Variants in LRRC7 observed in about 807,000 individuals in gnomAD.
LRRC7 encodes the protein leucine-rich repeat-containing protein 7.
A neutral mutation model predicts 175.7 loss-of-function variants in LRRC7; 23 were observed. The ratio of observed to expected loss-of-function variants is 0.13; its 90% CI spans 0.09 to 0.19. The LOEUF is 0.19. LRRC7 is among the 10% of genes least tolerant of loss of function. The pLI, the probability that LRRC7 is intolerant of heterozygous loss-of-function variation, is 1.00. For synonymous variants in LRRC7, 685 were observed against 680.9 expected (o/e 1.01, Z -0.09); for missense variants, 1,354 against 1,904.7 (o/e 0.71, Z 5.38).
At position 70,089,896 on chromosome 1, in the gene LRRC7, T is replaced by A. The variant is rs1663895316; in HGVS notation, c.4545+77T>A. 4.5e-6 allele frequency: 5 copies of A among 1,106,124 alleles called. No homozygotes were observed. The Admixed American group carries it at 1.2e-4, about 26-fold the overall frequency. 68.5% of individuals were successfully genotyped at this position (1,106,124 alleles called of 1,614,324 possible). On this transcript the variant is annotated intron_variant, in intron 25 of 26. Transcript: ENST00000651989. Reference sequence around the variant, plus strand: ...TACAGTAACAAAGGTTAGAAAAAAATTCAAGTGTTTTTGTTGTGTTTTCAT... The same window carrying A: ...TACAGTAACAAAGGTTAGAAAAAAAATCAAGTGTTTTTGTTGTGTTTTCAT...
At chr1:69,628,614 C>A (rs758068005) in intron 1 of LRRC7, among the ~76,000 whole-genome samples, 2 of 152,056 alleles carry the variant, frequency 1.3e-5, no homozygotes, top group Non-Finnish European at 2.9e-5. Context: ...TTGTGGATAT[C>A]AACAAAGTGT....
chr1:69,889,775 C>T (rs998783526), intron 7 of LRRC7, among the ~76,000 whole-genome samples: 3 of 152,138 alleles, frequency 2.0e-5, no homozygotes, highest in African/African-American at 7.2e-5. Context: ...CCACTCACTC[C>T]AGCCTGGAAG....
intron 11 of LRRC7, among the ~76,000 whole-genome samples, chr1:69,997,833 G>A (rs576878921): frequency 2.6e-5 from 4 of 152,214 alleles, no homozygotes; most frequent in Non-Finnish European, 4.4e-5. Context: ...TTGCATCAAT[G>A]TTCATCAAGG....
chr1:69,861,300 A>G (rs1684332058), intron 7 of LRRC7, among the ~76,000 whole-genome samples: 1 of 152,182 alleles, frequency 6.6e-6, no homozygotes, highest in Non-Finnish European at 1.5e-5. Flanking sequence ...TAATGTTCAC[A>G]GATAATGTTC....
At chr1:69,763,110 T>G (rs377112295) in intron 3 of LRRC7, among the ~76,000 whole-genome samples, 43 of 152,078 alleles carry the variant, frequency 2.8e-4, no homozygotes, top group African/African-American at 9.9e-4. Flanking sequence ...AAAGGAATAA[T>G]GCATCAGAGT....
At chr1:69,702,736 A>G (rs1663522659) in intron 2 of LRRC7, among the ~76,000 whole-genome samples, 1 of 152,116 alleles carries the variant, frequency 6.6e-6, no homozygotes, top group Admixed American at 6.6e-5. Flanking sequence ...TGATGGAAAA[A>G]TGATTTTTGA....
intron 8 of LRRC7, among the ~76,000 whole-genome samples, chr1:69,941,946 C>T (rs546812692): frequency 6.6e-6 from 1 of 152,150 alleles, no homozygotes; most frequent in Non-Finnish European, 1.5e-5. Context: ...CATTGATATG[C>T]CTTGCAGAAT....
At chr1:69,652,155 A>T (rs1338621271) in intron 1 of LRRC7, among the ~76,000 whole-genome samples, 7 of 152,172 alleles carry the variant, frequency 4.6e-5, no homozygotes, top group Admixed American at 4.6e-4. Context: ...ACTGTTCAGA[A>T]CAATTAGGCA....
chr1:69,823,830 C>G (rs1363714937), intron 4 of LRRC7, among the ~76,000 whole-genome samples: 1 of 152,054 alleles, frequency 6.6e-6, no homozygotes, highest in Non-Finnish European at 1.5e-5. Flanking sequence ...CACTACAACT[C>G]TATGATAAAA....
At chr1:69,790,199 G>A (rs1173258002) in intron 3 of LRRC7, among the ~76,000 whole-genome samples, 1 of 151,994 alleles carries the variant, frequency 6.6e-6, no homozygotes, top group African/African-American at 2.4e-5. Context: ...AAACTGATGA[G>A]TTCAAAGATA....
chr1:69,829,414 C>A (rs1680287780), intron 5 of LRRC7, among the ~76,000 whole-genome samples: 1 of 151,786 alleles, frequency 6.6e-6, no homozygotes, highest in African/African-American at 2.4e-5. Flanking sequence ...GTAATCAAAT[C>A]AGGATAATTG....
At chr1:69,766,574 A>G (rs907975064) in intron 3 of LRRC7, among the ~76,000 whole-genome samples, 1 of 152,220 alleles carries the variant, frequency 6.6e-6, no homozygotes, top group East Asian at 1.9e-4. Flanking sequence ...AAACCAAGCT[A>G]TGTATTCTTA....
chr1:69,913,675 C>T (rs530090339), intron 7 of LRRC7, among the ~76,000 whole-genome samples: 2 of 152,042 alleles, frequency 1.3e-5, no homozygotes, highest in Non-Finnish European at 2.9e-5. Context: ...CCACGCCTGG[C>T]TAATTTTTTG....
In LRRC7 at chr1:69,739,383, C is replaced by T. The variant is rs200558740; in HGVS notation, c.101-20808C>T. Reference sequence around the variant, plus strand: ...GCAGCCATAGGGCTTTCAGCTGGTCCCCTGTAAGCCCAGGAATGTAGAAGA... The same window carrying T: ...GCAGCCATAGGGCTTTCAGCTGGTCTCCTGTAAGCCCAGGAATGTAGAAGA... On this transcript the variant is annotated intron_variant, in intron 2 of 26. Transcript: ENST00000651989. 3.8e-4 allele frequency among the ~76,000 whole-genome samples: 58 copies of T among 152,102 alleles called. No homozygotes were observed. In the East Asian group the frequency reaches 6.8e-3, roughly 18 times the overall value.
chr1:69,673,050 C>T (rs988957088), intron 1 of LRRC7, among the ~76,000 whole-genome samples: 12 of 152,332 alleles, frequency 7.9e-5, no homozygotes, highest in African/African-American at 2.9e-4. Context: ...ATTCAATGGA[C>T]TTGTCTTCCC....
At chr1:69,730,132 G>T (rs376900493) in intron 2 of LRRC7, among the ~76,000 whole-genome samples, 2 of 152,152 alleles carry the variant, frequency 1.3e-5, no homozygotes, top group African/African-American at 4.8e-5. Flanking sequence ...CCTTGACCTG[G>T]CCCAAGAAAC....
At chr1:70,051,664 T>C (rs2102060157) in intron 22 of LRRC7, among the ~76,000 whole-genome samples, 1 of 152,094 alleles carries the variant, frequency 6.6e-6, no homozygotes, top group South Asian at 2.1e-4. Flanking sequence ...TCTCTTTTTT[T>C]TTTCATACTT....
intron 7 of LRRC7, among the ~76,000 whole-genome samples, chr1:69,910,472 A>G (rs1051853876): frequency 6.6e-6 from 1 of 152,170 alleles, no homozygotes; most frequent in African/African-American, 2.4e-5. Flanking sequence ...TTGCCTGGGT[A>G]TCAGCAGCGG....
chr1:69,710,540 TTCTG>T (rs1664636644), intron 2 of LRRC7, among the ~76,000 whole-genome samples: 1 of 152,186 alleles, frequency 6.6e-6, no homozygotes, highest in Non-Finnish European at 1.5e-5. Flanking sequence ...TGTTTTCATT[TTCTG>T]TCTTTTTCTT....
Sources: allele counts gnomAD v4.1 joint callset (sites outside exome capture counted in the v4.1 genomes callset), GRCh38; gene constraint gnomAD v4.1.1; transcripts MANE v1.5; gene names NCBI Gene and HGNC (gene_info 2026-07-23, HGNC 2026-07-21).